Variants in CALN1 observed in about 807,000 individuals in gnomAD.
CALN1 encodes the protein calneuron 1, also known as calcium-binding protein 8.
Under a neutral mutation model 30.6 loss-of-function variants are expected in CALN1, and 17 were observed. The ratio of observed to expected loss-of-function variants is 0.56; its 90% CI spans 0.38 to 0.83. The LOEUF (loss-of-function observed/expected upper bound fraction) is 0.83. Ranked by LOEUF, CALN1 falls within the 40% of genes least tolerant of loss-of-function variation. The pLI, the probability that CALN1 is intolerant of heterozygous loss-of-function variation, is 0.00. For missense variants in CALN1, 291 were observed against 354.9 expected, an observed-to-expected ratio of 0.82 and a Z score of 1.45; for synonymous variants, 156 against 131.4, an observed-to-expected ratio of 1.19 and a Z score of -1.28.
At chr7:71,847,177 C>A (rs187277366) in intron 5 of CALN1, among the ~76,000 whole-genome samples, 3 of 151,840 alleles carry the variant, frequency 2.0e-5, no homozygotes, top group African/African-American at 7.2e-5. Flanking sequence ...GGAGAGGAAG[C>A]CTGAAGGCAG....
chr7:72,458,899 T>G, the CALN1 span, among the ~76,000 whole-genome samples: 639 of 143,456 alleles, frequency 4.5e-3, 6 homozygotes, highest in African/African-American at 0.016. Context: ...TTGGTTTTTT[T>G]GGGGTTTTTT....
upstream of CALN1, among the ~76,000 whole-genome samples, chr7:72,447,815 C>T (rs1808572919): frequency 1.3e-5 from 2 of 151,482 alleles, no homozygotes; most frequent in Non-Finnish European, 2.9e-5. Flanking sequence ...ATACACATTC[C>T]TATGTACACA....
chr7:71,826,956 A>G (rs1206758502), intron 5 of CALN1, among the ~76,000 whole-genome samples: 6 of 152,168 alleles, frequency 3.9e-5, no homozygotes, highest in Admixed American at 1.3e-4. Flanking sequence ...AGCCCTGAAC[A>G]CATGTCAACA....
chr7:72,237,008 G>T (rs1794515862), intron 3 of CALN1, among the ~76,000 whole-genome samples: 1 of 150,898 alleles, frequency 6.6e-6, no homozygotes, highest in African/African-American at 2.4e-5. Context: ...TTTTGAGATG[G>T]AGTTTCCCTC....
intron 2 of CALN1, among the ~76,000 whole-genome samples, chr7:72,317,425 A>G (rs1029815036): frequency 1.3e-5 from 2 of 152,210 alleles, no homozygotes; most frequent in Admixed American, 1.3e-4. Flanking sequence ...ATTCCTAAAC[A>G]TTTCTACAAT....
chr7:71,942,279 G>A (rs889703041), intron 5 of CALN1: 5 of 206,076 alleles, frequency 2.4e-5, no homozygotes. Flanking sequence ...GCCACGTGCA[G>A]CCTATCAAGC....
At chr7:72,056,406 A>G (rs971389809) in intron 4 of CALN1, among the ~76,000 whole-genome samples, 2 of 152,194 alleles carry the variant, frequency 1.3e-5, no homozygotes, top group African/African-American at 2.4e-5. Flanking sequence ...TAGTAAATAA[A>G]GATAATAAAC....
chr7:72,036,185 T>C (rs1330907633), intron 4 of CALN1, among the ~76,000 whole-genome samples: 1 of 152,244 alleles, frequency 6.6e-6, no homozygotes, highest in African/African-American at 2.4e-5. Flanking sequence ...CCTTCTGGCA[T>C]CCAAAGTTTC....
intron 3 of CALN1, among the ~76,000 whole-genome samples, chr7:72,277,175 T>G (rs1197161552): frequency 4.0e-5 from 6 of 150,996 alleles, no homozygotes; most frequent in East Asian, 2.0e-4. Flanking sequence ...CTGGCATCTT[T>G]ATCTTAGACT....
chr7:72,406,817 T>C (rs980612843), intron 1 of CALN1, among the ~76,000 whole-genome samples: 1 of 152,008 alleles, frequency 6.6e-6, no homozygotes, highest in Non-Finnish European at 1.5e-5. Context: ...GGTTTCACCA[T>C]CTTGGCCAGG....
chr7:71,953,202 TC>T (rs1446921296), intron 5 of CALN1, among the ~76,000 whole-genome samples: 4 of 152,058 alleles, frequency 2.6e-5, no homozygotes, highest in Non-Finnish European at 5.9e-5. Context: ...AAGCAAGCCT[TC>T]CACTTTGGCC....
chr7:72,402,434 C>T (rs1403690582), intron 2 of CALN1, among the ~76,000 whole-genome samples: 1 of 152,180 alleles, frequency 6.6e-6, no homozygotes, highest in Non-Finnish European at 1.5e-5. Flanking sequence ...CCACTGGAAG[C>T]TGGTGGCTAA....
chr7:72,389,410 G>A (rs575129515), intron 2 of CALN1, among the ~76,000 whole-genome samples: 1 of 152,192 alleles, frequency 6.6e-6, no homozygotes, highest in Non-Finnish European at 1.5e-5. Context: ...TTTACATTAG[G>A]AAAATAATTT....
intron 4 of CALN1, among the ~76,000 whole-genome samples, chr7:72,079,504 A>G (rs1804971053): frequency 6.6e-6 from 1 of 152,120 alleles, no homozygotes; most frequent in Non-Finnish European, 1.5e-5. Context: ...TACGAGAGTA[A>G]TTGGTGTTTG....
At chr7:71,994,497 G>A (rs1799137744) in intron 5 of CALN1, among the ~76,000 whole-genome samples, 1 of 121,914 alleles carries the variant, frequency 8.2e-6, no homozygotes, top group South Asian at 2.6e-4. Context: ...GGGCGACAGA[G>A]CAAGACTTCA....
intron 5 of CALN1, among the ~76,000 whole-genome samples, chr7:71,999,118 A>G (rs754158338): frequency 1.3e-5 from 2 of 152,232 alleles, no homozygotes; most frequent in Non-Finnish European, 2.9e-5. Context: ...TCAACAACAT[A>G]GGCAGAATGG....
At chr7:72,165,252 A>G (rs556554349) in intron 3 of CALN1, among the ~76,000 whole-genome samples, 2 of 152,286 alleles carry the variant, frequency 1.3e-5, no homozygotes, top group East Asian at 3.9e-4. Flanking sequence ...TAGGTGTAAG[A>G]AGGATGGTAG....
chr7:72,392,477 AG>A (rs372043108), intron 2 of CALN1, among the ~76,000 whole-genome samples: 2 of 152,270 alleles, frequency 1.3e-5, no homozygotes, highest in African/African-American at 4.8e-5. Context: ...GGAGAGACTG[AG>A]GAAGGGGCAC....
At chr7:72,188,920 G>GCA (rs1790403267) in intron 3 of CALN1, among the ~76,000 whole-genome samples, 2 of 151,990 alleles carry the variant, frequency 1.3e-5, no homozygotes, top group East Asian at 3.9e-4. Context: ...TCCCTACACC[G>GCA]CACACACACA....
Sources: allele counts gnomAD v4.1 joint callset (sites outside exome capture counted in the v4.1 genomes callset), GRCh38; gene constraint gnomAD v4.1.1; transcripts MANE v1.5; gene names NCBI Gene and HGNC (gene_info 2026-07-23, HGNC 2026-07-21).